Variants in HOMER2 observed in about 807,000 individuals in gnomAD.
HOMER2 encodes homer protein homolog 2.
A neutral mutation model predicts 47.0 loss-of-function variants in HOMER2; 27 were observed. The ratio of observed to expected loss-of-function variants is 0.57; its 90% CI spans 0.42 to 0.79. The LOEUF (loss-of-function observed/expected upper bound fraction) is 0.79, where lower values mean the gene tolerates loss of function less well. Among genes scored for constraint, HOMER2 ranks in the 30% least tolerant of loss-of-function variants. HOMER2 has a pLI of 0.00. For synonymous variants in HOMER2, 161 were observed against 163.8 expected, an observed-to-expected ratio of 0.98 and a Z score of 0.13; for missense variants, 443 against 435.0, an observed-to-expected ratio of 1.02 and a Z score of -0.16.
intron 1 of HOMER2, among the ~76,000 whole-genome samples, chr15:82,921,468 C>A (rs527502236): frequency 6.6e-6 from 1 of 152,134 alleles, no homozygotes; most frequent in Non-Finnish European, 1.5e-5. Flanking sequence ...ACCATGCTTC[C>A]AAATACCATC....
intron 1 of HOMER2, among the ~76,000 whole-genome samples, chr15:82,895,698 A>G (rs1383660432): frequency 1.3e-5 from 2 of 152,212 alleles, no homozygotes; most frequent in Non-Finnish European, 2.9e-5. Flanking sequence ...GAAGGGACCC[A>G]GACTTTCAGA....
At chr15:82,840,983 A>T (rs2051170930) in exon 2 of HOMER2, 1 of 152,126 alleles carries the variant, frequency 6.6e-6, no homozygotes, top group Non-Finnish European at 1.5e-5. Flanking sequence ...GTTAACAAAC[A>T]CCAATAACTG....
chr15:82,835,402 G>T (rs1309755032), downstream of HOMER2: 2 of 152,504 alleles, frequency 1.3e-5, no homozygotes, highest in African/African-American at 4.8e-5. Flanking sequence ...GGGGTTACAG[G>T]CGTGAGCCAC....
intron 1 of HOMER2, among the ~76,000 whole-genome samples, chr15:82,923,585 G>A (rs533935122): frequency 1.3e-5 from 2 of 152,172 alleles, no homozygotes; most frequent in East Asian, 3.9e-4. Context: ...TGCCTAGTGG[G>A]ACCCTGTGTA....
At chr15:82,890,384 T>C (rs747276908) in intron 2 of HOMER2, among the ~76,000 whole-genome samples, 54 of 152,080 alleles carry the variant, frequency 3.6e-4, no homozygotes, top group African/African-American at 8.0e-4. Flanking sequence ...CTGGGCACCA[T>C]AGAAAGGGTA....
chr15:82,923,289 G>A (rs1020913404), intron 1 of HOMER2, among the ~76,000 whole-genome samples: 4 of 151,826 alleles, frequency 2.6e-5, no homozygotes, highest in African/African-American at 7.3e-5. Context: ...AGTTCGAGAC[G>A]AGCCTGGCCA....
Position 82,875,422 on chromosome 15 carries a change from A to G in HOMER2, c.163-18T>C. ...ATGATCACCTGCAGAAAAACAGCCC[A>G]AAGAGTGAAAATTTAAATGTTGAAT... is the stretch of plus-strand genomic sequence containing the variant. On this transcript the variant is annotated intron_variant, in intron 2 of 8. Coordinates refer to ENST00000450735, the MANE Select transcript of HOMER2 (RefSeq NM_004839.4). 2 of 1,612,988 alleles carry G rather than the reference A, an allele frequency of 1.2e-6. No individual in the cohort carries two copies. The highest frequency in any genetic ancestry group is 4.5e-5 in the East Asian group (2 of 44,898).
intron 3 of HOMER2, among the ~76,000 whole-genome samples, chr15:82,873,328 C>G (rs995143155): frequency 2.0e-5 from 3 of 152,196 alleles, no homozygotes; most frequent in Non-Finnish European, 2.9e-5. Flanking sequence ...TCTGCCAGCC[C>G]TATCAGCCAA....
intron 3 of HOMER2, among the ~76,000 whole-genome samples, chr15:82,870,763 A>T (rs1231740939): frequency 2.0e-5 from 3 of 152,226 alleles, no homozygotes; most frequent in African/African-American, 7.2e-5. Context: ...ATGGGGACAA[A>T]TTTGAATTAC....
Position 82,928,940 on chromosome 15 carries a change from T to TAAAAAAAAAAAAAAA in HOMER2, c.5+23576_5+23590dup. 8.8e-4 allele frequency among the ~76,000 whole-genome samples: 35 copies of TAAAAAAAAAAAAAAA among 39,922 alleles called. 7 individuals are homozygous for TAAAAAAAAAAAAAAA. The highest frequency in any genetic ancestry group is 2.9e-3 in the African/African-American group (19 of 6,480). The allele number at this position is 39,922 out of a possible 152,430, so 26.2% of individuals were successfully genotyped here. A position where few individuals can be genotyped will look rare whatever the true frequency, so the allele number is the denominator to read the frequency against. On this transcript the variant is annotated intron_variant, in intron 1 of 8. Transcript: ENST00000450735. ...TAACAACTGGCAAAAAAATAAAAAC[T>TAAAAAAAAAAAAAAA]AAAAAAAAAAAAAAAAAAAAGCTGT...
chr15:82,856,011 T>G (rs1419340939), intron 5 of HOMER2, among the ~76,000 whole-genome samples: 1 of 152,194 alleles, frequency 6.6e-6, no homozygotes, highest in Non-Finnish European at 1.5e-5. Flanking sequence ...TCTTCCTAAT[T>G]TTTTTAAGTA....
intron 1 of HOMER2, among the ~76,000 whole-genome samples, chr15:82,899,309 T>G (rs977098635): frequency 6.6e-6 from 1 of 152,228 alleles, no homozygotes; most frequent in Non-Finnish European, 1.5e-5. Flanking sequence ...TGAAGTCTGA[T>G]TTGTGCTCTG....
chr15:82,983,540 C>G (rs2030468480), intron 1 of HOMER2, among the ~76,000 whole-genome samples: 1 of 151,822 alleles, frequency 6.6e-6, no homozygotes, highest in Non-Finnish European at 1.5e-5. Flanking sequence ...TCCTTTTCAG[C>G]CCCAATTTCC....
At chr15:82,847,756 C>T (rs1252963975), downstream of HOMER2, among the ~76,000 whole-genome samples, 2 of 152,146 alleles carry the variant, frequency 1.3e-5, no homozygotes, top group Non-Finnish European at 2.9e-5. Flanking sequence ...ACCCAGTGTC[C>T]ACTGCTCCCA....
At position 82,869,450 on chromosome 15, in the gene HOMER2, C is replaced by CTTTTTT. The variant is rs71822678; in HGVS notation, c.295-5197_295-5192dup. Among the ~76,000 whole-genome samples the CTTTTTT allele has an allele frequency of 2.5e-3, 179 of 70,266 alleles. 37 individuals are homozygous for CTTTTTT. Among genetic ancestry groups the CTTTTTT allele is most frequent in the African/African-American group, 4.7e-3 (78 of 16,710 alleles). The allele number at this position is 70,266 out of a possible 152,430, so 46.1% of individuals were successfully genotyped here. ...AATTATATGATTTTCTACTAAACATCTTTTTTTTTTTTTTTTTTTTTTTTT... is the reference window on the plus strand; with the variant it reads ...AATTATATGATTTTCTACTAAACATCTTTTTTTTTTTTTTTTTTTTTTTTTTTTTTT... On this transcript the variant is annotated intron_variant, in intron 3 of 8. Transcript: ENST00000450735.
intron 1 of HOMER2, among the ~76,000 whole-genome samples, chr15:82,894,702 T>G (rs1446412934): frequency 2.0e-5 from 3 of 151,614 alleles, no homozygotes; most frequent in Non-Finnish European, 4.4e-5. Context: ...TCCCATTGTT[T>G]ATAAAATGCT....
At chr15:82,935,594 G>T (rs1337453138) in intron 1 of HOMER2, among the ~76,000 whole-genome samples, 1 of 152,032 alleles carries the variant, frequency 6.6e-6, no homozygotes, top group Admixed American at 6.5e-5. Context: ...TGAACCTGTT[G>T]ATACTGAATT....
intron 1 of HOMER2, among the ~76,000 whole-genome samples, chr15:82,963,304 G>T (rs1286134124): frequency 6.6e-6 from 1 of 151,726 alleles, no homozygotes; most frequent in South Asian, 2.1e-4. Context: ...TGCCCACGAT[G>T]GTCTCAAACA....
Position 82,866,821 on chromosome 15 carries a change from G to A in HOMER2, c.295-2562C>T, listed in dbSNP as rs930825678. Among the ~76,000 whole-genome samples the A allele has an allele frequency of 9.9e-5, 15 of 152,206 alleles. No individual in the cohort carries two copies. The South Asian group carries it at 1.5e-3, about 15-fold the overall frequency. On this transcript the variant is annotated intron_variant, in intron 3 of 8. Transcript: ENST00000450735. ...ATGATTGTGAGGCCTTCCCAGCCAC[G>A]TGGAACTGTAAGTCCAATAAGCCTG...
Sources: allele counts gnomAD v4.1 joint callset (sites outside exome capture counted in the v4.1 genomes callset), GRCh38; gene constraint gnomAD v4.1.1; transcripts MANE v1.5; gene names NCBI Gene and HGNC (gene_info 2026-07-23, HGNC 2026-07-21).